BBS7: variants seen among roughly 807,000 people sequenced by gnomAD.
BBS7 encodes the protein Bardet-Biedl syndrome 7, also known as BBSome complex member BBS7.
Under a neutral mutation model 90.3 loss-of-function variants are expected in BBS7, and 50 were observed. The observed-to-expected ratio is 0.55, with a 90% confidence interval of 0.44 to 0.70. BBS7 has a LOEUF of 0.70. Ranked by LOEUF, BBS7 falls within the 30% of genes least tolerant of loss-of-function variation. The pLI is 0.00. For synonymous variants in BBS7, 235 were observed against 287.4 expected (o/e 0.82, Z 1.85); for missense variants, 729 against 838.9 (o/e 0.87, Z 1.62).
intron 1 of BBS7, among the ~76,000 whole-genome samples, chr4:121,868,911 T>C (rs1341467400): frequency 1.3e-5 from 2 of 152,028 alleles, no homozygotes; most frequent in African/African-American, 4.8e-5. Context: ...AACGTTCATA[T>C]AGTATAAATG....
intron 3 of BBS7, among the ~76,000 whole-genome samples, chr4:121,862,264 T>C (rs553079108): frequency 6.6e-6 from 1 of 152,316 alleles, no homozygotes; most frequent in Non-Finnish European, 1.5e-5. Context: ...CATATATCTA[T>C]TTAACTGAAA....
At chr4:121,850,109 A>AT (rs984669761) in intron 8 of BBS7, among the ~76,000 whole-genome samples, 70 of 150,010 alleles carry the variant, frequency 4.7e-4, no homozygotes, top group East Asian at 4.1e-3. Context: ...AGGAATCTGT[A>AT]TTTTTTTTTA....
chr4:121,861,710 C>A, intron 3 of BBS7, 31 bp from the exon 4 acceptor site: 1 of 1,610,218 alleles, frequency 6.2e-7, no homozygotes, highest in Non-Finnish European at 8.5e-7. Flanking sequence ...AAAAAGTACA[C>A]AAATTACTTT....
chr4:121,868,714 A>G (rs890844342), intron 1 of BBS7, among the ~76,000 whole-genome samples: 5 of 136,816 alleles, frequency 3.7e-5, no homozygotes, highest in South Asian at 2.4e-4. Context: ...AAAAAAAAAA[A>G]AAGAAGATTT....
At chr4:121,864,291 G>T (rs1727143976) in intron 2 of BBS7, among the ~76,000 whole-genome samples, 1 of 152,118 alleles carries the variant, frequency 6.6e-6, no homozygotes, top group Non-Finnish European at 1.5e-5. Flanking sequence ...ATCTGAAAAA[G>T]CTATTTAAAT....
At chr4:121,843,898 G>T in intron 12 of BBS7, 29 bp downstream of exon 12, 1 of 1,442,824 alleles carries the variant, frequency 6.9e-7, no homozygotes, top group Non-Finnish European at 9.7e-7. Flanking sequence ...ATGAAAGCAT[G>T]TGAAGAATTC....
intron 10 of BBS7, among the ~76,000 whole-genome samples, chr4:121,846,065 T>C (rs770827627): frequency 2.0e-5 from 3 of 152,188 alleles, no homozygotes; most frequent in Non-Finnish European, 4.4e-5. Flanking sequence ...TTGCAGAACA[T>C]ATTAGTCTTA....
rs548366139 is a variant in BBS7 at position 121,860,086 on chromosome 4, T to A, written c.342-908A>T. ...ATTATTCTCTGAAGAGCTTATCCTA[T>A]AATAATCCTCCCTGATTTTCTATTC... is the stretch of plus-strand genomic sequence containing the variant. On this transcript the variant is annotated intron_variant, in intron 4 of 18. Transcript: ENST00000264499. Among the ~76,000 whole-genome samples the A allele has an allele frequency of 3.9e-5, 6 of 152,230 alleles. No individual in the cohort carries two copies. In the South Asian group the frequency reaches 1.2e-3, roughly 32 times the overall value.
At chr4:121,835,410 T>A (rs934335559) in intron 13 of BBS7, 127 bp from the exon 14 acceptor site, 36 of 1,114,786 alleles carry the variant, frequency 3.2e-5, no homozygotes, top group Non-Finnish European at 4.3e-5. Context: ...TTAAGAGGAG[T>A]TGGAAAGCTG....
chr4:121,839,582 A>G, intron 13 of BBS7, 49 bp downstream of exon 13: 1 of 1,444,550 alleles, frequency 6.9e-7, no homozygotes, highest in East Asian at 2.3e-5. Context: ...TACCAGCAGG[A>G]AAAAGGAAAT....
At chr4:121,838,364 GAA>G (rs35961896) in intron 13 of BBS7, among the ~76,000 whole-genome samples, 3 of 109,956 alleles carry the variant, frequency 2.7e-5, no homozygotes, top group Non-Finnish European at 1.8e-5. Context: ...CATCTCTCTT[GAA>G]AAAAAAAAAA....
chr4:121,837,415 T>G (rs949538921), intron 13 of BBS7, among the ~76,000 whole-genome samples: 1 of 152,226 alleles, frequency 6.6e-6, no homozygotes, highest in African/African-American at 2.4e-5. Context: ...AAGTAGGTAC[T>G]TAATTCATCT....
At chr4:121,828,820 T>C in intron 15 of BBS7, 92 bp from the exon 16 acceptor site, 1 of 778,098 alleles carries the variant, frequency 1.3e-6, no homozygotes, top group Non-Finnish European at 2.0e-6. Flanking sequence ...GAGTATAGAT[T>C]TCATTTGACT....
chr4:121,842,491 C>T (rs1423528957), intron 12 of BBS7, among the ~76,000 whole-genome samples: 1 of 151,224 alleles, frequency 6.6e-6, no homozygotes, highest in Admixed American at 6.6e-5. Context: ...AAAAATCAGC[C>T]AGGCATGGTG....
chr4:121,850,258 A>G (rs1318767991), intron 8 of BBS7, among the ~76,000 whole-genome samples: 3 of 151,788 alleles, frequency 2.0e-5, no homozygotes, highest in Admixed American at 6.6e-5. Context: ...TGGACCTCAC[A>G]GGTTCAAGTG....
intron 7 of BBS7, among the ~76,000 whole-genome samples, chr4:121,854,427 TCAGA>T (rs563762365): frequency 1.3e-3 from 193 of 152,224 alleles, no homozygotes; most frequent in African/African-American, 4.4e-3. Context: ...CTAAATTACC[TCAGA>T]CAATTAAAAT....
intron 12 of BBS7, among the ~76,000 whole-genome samples, chr4:121,841,800 G>A (rs1560648825): frequency 6.6e-6 from 1 of 152,112 alleles, no homozygotes; most frequent in African/African-American, 2.4e-5. Flanking sequence ...AAGATTTTAA[G>A]TTTGTTTTAA....
intron 13 of BBS7, among the ~76,000 whole-genome samples, chr4:121,837,189 A>G (rs1725503784): frequency 6.7e-6 from 1 of 149,910 alleles, no homozygotes; most frequent in Non-Finnish European, 1.5e-5. Context: ...CTGTTCTTGA[A>G]CTCCTGACCT....
At chr4:121,839,759 A>G (rs1441420539) in intron 12 of BBS7, 63 bp from the exon 13 acceptor site, 1 of 1,346,108 alleles carries the variant, frequency 7.4e-7, no homozygotes, top group South Asian at 1.2e-5. Context: ...AAAAAAAGAC[A>G]TCAATAATAA....
Sources: gnomAD v4.1 joint callset for allele counts (sites outside exome capture counted in the v4.1 genomes callset) on GRCh38, gnomAD v4.1.1 for gene constraint, MANE v1.5 for transcripts, NCBI Gene and HGNC (gene_info 2026-07-23, HGNC 2026-07-21) for gene names.